Variants in ZNF618 observed in about 807,000 individuals in gnomAD.
ZNF618 encodes zinc finger protein 618.
Under a neutral mutation model 103.0 loss-of-function variants are expected in ZNF618, and 34 were observed. That is an observed-to-expected ratio of 0.33 (90% CI 0.25 to 0.44). The LOEUF (loss-of-function observed/expected upper bound fraction) is 0.44, where lower values mean the gene tolerates loss of function less well. Among genes scored for constraint, ZNF618 ranks in the 20% least tolerant of loss-of-function variants. ZNF618 has a pLI of 1.00. For missense variants in ZNF618, 1,059 were observed against 1,295.4 expected (o/e 0.82, Z 2.80); for synonymous variants, 551 against 542.2 (o/e 1.02, Z -0.23).
At chr9:113,954,757 T>C (rs959367366) in intron 1 of ZNF618, among the ~76,000 whole-genome samples, 2 of 152,186 alleles carry the variant, frequency 1.3e-5, no homozygotes, top group African/African-American at 4.8e-5. Context: ...GTGCTCTTGC[T>C]CTCTGGCCTT....
chr9:113,968,146 G>C (rs1488001888), intron 1 of ZNF618, among the ~76,000 whole-genome samples: 2 of 152,200 alleles, frequency 1.3e-5, no homozygotes, highest in African/African-American at 2.4e-5. Flanking sequence ...GAAAAGGCTA[G>C]TGACAGTCCT....
chr9:114,049,336 C>T lies in ZNF618; in HGVS notation c.2034C>T (p.Ala678=). Residue 678 remains alanine (A), a synonymous_variant, in exon 15 of 15, where the codon GCC becomes GCT. Transcript: ENST00000374126. The part of the protein sequence containing the change: ...CEDLAGSTGL[A]KETFGSLEET... ...ACCTGGCGGGCTCCACGGGCCTGGCCAAGGAGACCTTCGGGTCGCTGGAGG... is the reference window on the plus strand; with the variant it reads ...ACCTGGCGGGCTCCACGGGCCTGGCTAAGGAGACCTTCGGGTCGCTGGAGG... 1 of 1,611,416 alleles carries T rather than the reference C, an allele frequency of 6.2e-7. No homozygotes were observed. Among genetic ancestry groups the T allele is most frequent in the Non-Finnish European group, 8.5e-7 (1 of 1,179,450 alleles).
intron 3 of ZNF618, among the ~76,000 whole-genome samples, chr9:113,990,877 C>T (rs574736446): frequency 3.3e-5 from 5 of 152,290 alleles, no homozygotes; most frequent in Admixed American, 1.3e-4. Context: ...CCTGCGCTGA[C>T]GTTTCTCCAT....
chr9:114,006,002 A>C (rs1841721123), intron 6 of ZNF618, among the ~76,000 whole-genome samples: 1 of 152,204 alleles, frequency 6.6e-6, no homozygotes, highest in Admixed American at 6.5e-5. Context: ...CTCCTTGCTC[A>C]GGGACCAGTT....
rs1173291463 is a variant in ZNF618, at chr9:114,050,072, A to G, written c.2770A>G (p.Asn924Asp). ...CGTGGGCGCCAGAAGCGGGTGTGTA[A>G]ATATGTGTGAACAAGCGCTTCTAAT... ...PAVGARSGCV[N>D]MCEQALLIKR... Residue 924 changes from asparagine to aspartate, a missense_variant, in exon 15 of 15, where the codon AAT becomes GAT. By Grantham distance (23) the Asn-to-Asp change is conservative (BLOSUM62 1). Coordinates refer to ENST00000374126, the MANE Select transcript of ZNF618 (RefSeq NM_001318042.2). 4.3e-6 allele frequency: 7 copies of G among 1,613,306 alleles called. No homozygotes were observed. The highest frequency in any genetic ancestry group is 5.9e-6 in the Non-Finnish European group (7 of 1,179,858).
intron 2 of ZNF618, among the ~76,000 whole-genome samples, chr9:113,982,549 T>TCTG (rs1341084043): frequency 6.6e-6 from 1 of 152,168 alleles, no homozygotes; most frequent in Non-Finnish European, 1.5e-5. Flanking sequence ...CTTAATTACA[T>TCTG]CTGCAAAGAC....
intron 3 of ZNF618, among the ~76,000 whole-genome samples, chr9:113,989,302 G>A (rs542789962): frequency 7.9e-5 from 12 of 152,334 alleles, no homozygotes; most frequent in South Asian, 6.2e-4. Flanking sequence ...CTGCACTGAC[G>A]GTTGCTGGGT....
At chr9:113,965,973 G>A (rs1431739511) in intron 1 of ZNF618, among the ~76,000 whole-genome samples, 1 of 152,160 alleles carries the variant, frequency 6.6e-6, no homozygotes, top group Non-Finnish European at 1.5e-5. Context: ...TTGGGATTCG[G>A]GGAAGGCCTT....
intron 2 of ZNF618, among the ~76,000 whole-genome samples, chr9:113,970,893 T>C (rs1424453331): frequency 1.3e-5 from 2 of 148,534 alleles, no homozygotes; most frequent in Admixed American, 1.4e-4. Context: ...ATGTCTGTCT[T>C]GTTCACTGCT....
intron 1 of ZNF618, among the ~76,000 whole-genome samples, chr9:113,945,583 A>G (rs1279764141): frequency 6.6e-6 from 1 of 152,184 alleles, no homozygotes; most frequent in East Asian, 1.9e-4. Context: ...TCAGTCTTGT[A>G]GAGTAATCTG....
chr9:113,977,735 C>G (rs1473334686), intron 2 of ZNF618, among the ~76,000 whole-genome samples: 1 of 152,198 alleles, frequency 6.6e-6, no homozygotes, highest in African/African-American at 2.4e-5. Context: ...CCTTAACGTC[C>G]TGGGCAACCT....
At position 114,036,334 on chromosome 9, in the gene ZNF618, C is replaced by A. The variant is rs1844603587; in HGVS notation, c.1203C>A (p.Phe401Leu). 1.9e-6 allele frequency: 3 copies of A among 1,583,888 alleles called. No homozygotes were observed. Among genetic ancestry groups the A allele is most frequent in the Non-Finnish European group, 2.6e-6 (3 of 1,164,538 alleles). Residue 401 changes from phenylalanine to leucine, a missense_variant, in exon 13 of 15, where the codon TTC (phenylalanine) becomes TTA (leucine). This residue lies in a region of ZNF618 where 434 missense variants were observed against 476.0 expected (regional missense o/e 0.91). Transcript: ENST00000374126. ...CCTGCGGCGCCTGTGGGATCCAGTTCCAGTTCTACAACAACCTGTTGGAGC... is the reference window on the plus strand; with the variant it reads ...CCTGCGGCGCCTGTGGGATCCAGTTACAGTTCTACAACAACCTGTTGGAGC... Reference protein sequence around the residue: ...PYTCGACGIQFQFYNNLLEHM... With the variant: ...PYTCGACGIQLQFYNNLLEHM...
chr9:113,891,603 T>A (rs942216996), intron 1 of ZNF618, among the ~76,000 whole-genome samples: 1 of 152,154 alleles, frequency 6.6e-6, no homozygotes, highest in African/African-American at 2.4e-5. Flanking sequence ...GCAATTCCAT[T>A]TCTGGGTATA....
chr9:113,895,211 T>C (rs1469648469), intron 1 of ZNF618, among the ~76,000 whole-genome samples: 1 of 152,148 alleles, frequency 6.6e-6, no homozygotes, highest in Non-Finnish European at 1.5e-5. Flanking sequence ...AATTTTTCTT[T>C]TGCAATGGAG....
intron 1 of ZNF618, among the ~76,000 whole-genome samples, chr9:113,903,729 C>G (rs980029794): frequency 2.6e-5 from 4 of 151,992 alleles, no homozygotes; most frequent in Non-Finnish European, 5.9e-5. Flanking sequence ...TTGTTTCTTT[C>G]TTTCTTTCAG....
chr9:113,935,001 G>C (rs1833911542), intron 1 of ZNF618, among the ~76,000 whole-genome samples: 1 of 152,228 alleles, frequency 6.6e-6, no homozygotes. Context: ...TCACAAGCCT[G>C]GCTGTCCCCA....
intron 7 of ZNF618, among the ~76,000 whole-genome samples, chr9:114,007,696 G>A (rs1841876135): frequency 6.6e-6 from 1 of 152,128 alleles, no homozygotes; most frequent in South Asian, 2.1e-4. Flanking sequence ...TAGAATATTG[G>A]AATTTCGTAT....
chr9:114,025,734 T>G (rs1345750097), intron 10 of ZNF618, among the ~76,000 whole-genome samples: 1 of 149,780 alleles, frequency 6.7e-6, no homozygotes, highest in African/African-American at 2.4e-5. Flanking sequence ...GCCTTATACC[T>G]TTGGGACCAC....
At chr9:113,962,899 T>A (rs568046293) in intron 1 of ZNF618, among the ~76,000 whole-genome samples, 2 of 152,300 alleles carry the variant, frequency 1.3e-5, no homozygotes, top group African/African-American at 4.8e-5. Context: ...CTCCCCCCAC[T>A]TGAATGTAAT....
Sources: gnomAD v4.1 joint callset for allele counts (sites outside exome capture counted in the v4.1 genomes callset) on GRCh38, gnomAD v4.1.1 for gene constraint, gnomAD v4.1.1 regional missense constraint, MANE v1.5 for transcripts, NCBI Gene and HGNC (gene_info 2026-07-23, HGNC 2026-07-21) for gene names.